Variants in ZNF425 observed in about 807,000 individuals in gnomAD.
The protein encoded by ZNF425 is zinc finger protein 425.
Under a neutral mutation model 17.0 loss-of-function variants are expected in ZNF425, and 21 were observed. The observed-to-expected ratio is 1.23, with a 90% confidence interval of 0.88 to 1.78. The LOEUF is 1.78. Among genes scored for constraint, ZNF425 ranks in the 40% most tolerant of loss-of-function variants. The pLI, the probability that ZNF425 is intolerant of heterozygous loss-of-function variation, is 0.00. For missense variants in ZNF425, 868 were observed against 967.3 expected (o/e 0.90, Z 1.36); for synonymous variants, 433 against 384.1 (o/e 1.13, Z -1.49).
At chr7:149,118,130 C>T in intron 2 of ZNF425, 92 bp downstream of exon 2, 1 of 1,423,738 alleles carries the variant, frequency 7.0e-7, no homozygotes, top group Non-Finnish European at 9.8e-7. Flanking sequence ...GGCACAGTAT[C>T]ATATTCAACC....
intron 3 of ZNF425, among the ~76,000 whole-genome samples, chr7:149,107,039 G>A (rs191043946): frequency 2.4e-4 from 36 of 151,486 alleles, no homozygotes; most frequent in Admixed American, 1.5e-3. Context: ...CCCAGGAGAC[G>A]GAGGTTGTAG....
intron 3 of ZNF425, among the ~76,000 whole-genome samples, chr7:149,109,778 C>A (rs1057291104): frequency 1.3e-5 from 2 of 152,072 alleles, no homozygotes; most frequent in Non-Finnish European, 1.5e-5. Context: ...CTAACGTACT[C>A]CTGTGACTGT....
At chr7:149,125,841 G>A (rs1445014239) in intron 1 of ZNF425, 7 of 420,216 alleles carry the variant, frequency 1.7e-5, no homozygotes, top group East Asian at 5.6e-5. Context: ...CCCCGCTCCC[G>A]AGAGGTCACC....
chr7:149,104,047 C>G lies in ZNF425; in HGVS notation c.1824G>C (p.Lys608Asn). 6.2e-7 allele frequency: 1 copy of G among 1,613,726 alleles called. No individual in the cohort carries two copies. The highest frequency in any genetic ancestry group is 8.5e-7 in the Non-Finnish European group (1 of 1,179,980). ...TEHLRLHSGE[K>N]PYQCPECEKT... ...TCTCGCATTCAGGACACTGGTAGGG[C>G]TTCTCTCCACTGTGCAGCCTCAGGT... The change falls in exon 4 of 4, where the codon AAG becomes AAC. Residue 608 changes from lysine to asparagine, a missense_variant. Physicochemically the swap from Lys to Asn is moderately conservative, Grantham distance 94. Transcript: ENST00000378061. The surrounding 1 kb of genome is among the most constrained non-coding windows in gnomAD (Gnocchi z 4.3).
At chr7:149,117,526 A>G (rs1826285255) in intron 2 of ZNF425, among the ~76,000 whole-genome samples, 1 of 151,828 alleles carries the variant, frequency 6.6e-6, no homozygotes, top group South Asian at 2.1e-4. Context: ...TTCCTTGAAG[A>G]TGAGAAATTC....
At chr7:149,121,473 C>G (rs1335912656) in intron 1 of ZNF425, among the ~76,000 whole-genome samples, 4 of 150,284 alleles carry the variant, frequency 2.7e-5, no homozygotes, top group African/African-American at 9.8e-5. Flanking sequence ...CTTACCACAA[C>G]CTCCGCCTCC....
chr7:149,119,817 T>C (rs1336110409), intron 1 of ZNF425, among the ~76,000 whole-genome samples: 1 of 152,300 alleles, frequency 6.6e-6, no homozygotes, highest in Admixed American at 6.5e-5. Context: ...CTACAAATTT[T>C]TTAAAATCCA....
Position 149,104,634 on chromosome 7 carries a change from G to T in ZNF425, c.1237C>A (p.Pro413Thr). ...EHIRVHTGEK[P>T]FSCPECNKSF... ...TTGTTACACTCGGGACACGAAAAGG[G>T]CTTCTCTCCCGTGTGAACTCTGATG... Residue 413 changes from proline to threonine, a missense_variant, in exon 4 of 4, where the codon CCC becomes ACC. Physicochemically the swap from Pro to Thr is conservative, Grantham distance 38. Transcript: ENST00000378061. The surrounding 1 kb of genome is among the most constrained non-coding windows in gnomAD (Gnocchi z 4.3). 6.2e-7 allele frequency: 1 copy of T among 1,614,172 alleles called. No homozygotes were observed. The highest frequency in any genetic ancestry group is 1.1e-5 in the South Asian group (1 of 91,092).
intron 1 of ZNF425, 26 bp from the exon 2 acceptor site, chr7:149,118,374 A>C (rs771163548): frequency 6.2e-7 from 1 of 1,611,584 alleles, no homozygotes; most frequent in Admixed American, 1.7e-5. Context: ...GTATACACAT[A>C]CATTTTTACT....
At chr7:149,117,570 A>G (rs1195409259) in intron 2 of ZNF425, among the ~76,000 whole-genome samples, 2 of 150,628 alleles carry the variant, frequency 1.3e-5, no homozygotes, top group Admixed American at 6.7e-5. Flanking sequence ...ATAAGGAGGC[A>G]TGAAAGTATT....
chr7:149,107,148 C>T (rs1313743310), intron 3 of ZNF425, among the ~76,000 whole-genome samples: 1 of 150,704 alleles, frequency 6.6e-6, no homozygotes, highest in African/African-American at 2.4e-5. Context: ...AGCTTAGGGC[C>T]ATATTCTTGT....
Position 149,105,103 on chromosome 7 carries a change from G to T in ZNF425, c.768C>A (p.Phe256Leu), listed in dbSNP as rs754955154. The change falls in exon 4 of 4, where the codon TTC becomes TTA. Residue 256 changes from phenylalanine to leucine, a missense_variant. Around this residue, in one of 5 missense-constraint regions of ZNF425, gnomAD observed 243 missense variants for 265.2 expected, o/e 0.92. Transcript: ENST00000378061. Reference sequence around the variant, plus strand: ...GATGAGTGACGAGGCTGCCCTTCAGGAAGTAGCTCTTCTCACACTCACTGC... The same window carrying T: ...GATGAGTGACGAGGCTGCCCTTCAGTAAGTAGCTCTTCTCACACTCACTGC... ...FQCSECEKSY[F>L]LKGSLVTHQV... The T allele has an allele frequency of 1.2e-6, 2 of 1,614,230 alleles. No homozygotes were observed. Among genetic ancestry groups the T allele is most frequent in the Non-Finnish European group, 1.7e-6 (2 of 1,180,052 alleles).
intron 2 of ZNF425, among the ~76,000 whole-genome samples, chr7:149,116,160 C>A (rs923492328): frequency 2.0e-5 from 3 of 152,150 alleles, no homozygotes; most frequent in Non-Finnish European, 4.4e-5. Flanking sequence ...GTTCTGTCTA[C>A]ACAATTCTCC....
At position 149,104,789 on chromosome 7, in the gene ZNF425, G is replaced by C; in HGVS notation, c.1082C>G (p.Pro361Arg). 6.2e-7 allele frequency: 1 copy of C among 1,613,642 alleles called. No individual in the cohort carries two copies. Among genetic ancestry groups the C allele is most frequent in the Non-Finnish European group, 8.5e-7 (1 of 1,179,988 alleles). The stretch of plus-strand genomic sequence containing the variant: ...CCGGGAGAAGCTCCGGCCACACTCG[G>C]GACAGTGGAAGGGCCTCTTCCCGCT... ...QHSGKRPFHCPECGRSFSRKA... is the reference protein window; with the variant it reads ...QHSGKRPFHCRECGRSFSRKA... The change falls in exon 4 of 4, where the codon CCC becomes CGC. Residue 361 changes from proline (P) to arginine (R), a missense_variant. Pro to Arg is a moderately radical substitution (Grantham distance 103). Coordinates refer to ENST00000378061, the MANE Select transcript of ZNF425 (RefSeq NM_001001661.3). This position sits in a 1 kb window ranked among gnomAD's most constrained non-coding sequence, Gnocchi z 4.3.
rs146873821 is a variant in ZNF425 at position 149,104,879 on chromosome 7, T to C, written c.992A>G (p.Gln331Arg). Residue 331 changes from glutamine (Q) to arginine (R), a missense_variant, in exon 4 of 4, where the codon CAG becomes CGG. By Grantham distance (43) the Gln-to-Arg change is conservative. Transcript: ENST00000378061. The surrounding 1 kb of genome is among the most constrained non-coding windows in gnomAD (Gnocchi z 4.3). ...GAAGCACCGGTCACACTGCGGACAC[T>C]GGAAGGGCTTCTCTCCGCTGTGCAG... ...LRLHSGEKPF[Q>R]CPQCDRCFRL... is the part of the protein sequence containing the mutation. The C allele has an allele frequency of 2.2e-4, 361 of 1,613,398 alleles. 2 individuals are homozygous for C. In the African/African-American group the frequency reaches 4.5e-3, roughly 20 times the overall value.
chr7:149,107,348 T>TATTTA (rs1237876400), intron 3 of ZNF425, among the ~76,000 whole-genome samples: 5,813 of 134,504 alleles, frequency 0.043, 152 homozygotes, highest in African/African-American at 0.078. Flanking sequence ...TTTATTTATT[T>TATTTA]TTTTTCTGAG....
Position 149,104,262 on chromosome 7 carries a change from G to T in ZNF425, c.1609C>A (p.Arg537=), listed in dbSNP as rs1162288223. The change falls in exon 4 of 4, where the codon CGA becomes AGA. Residue 537 remains arginine (R), a synonymous_variant. Coordinates refer to ENST00000378061, the MANE Select transcript of ZNF425 (RefSeq NM_001001661.3). The surrounding 1 kb of genome is among the most constrained non-coding windows in gnomAD (Gnocchi z 4.3). The part of the protein sequence containing the change: ...SCAECGRSFR[R]RAHLTEHTRL... Reference sequence around the variant, plus strand: ...GTGTGCTCTGTGAGATGCGCGCGTCGGCGGAAACTGCGGCCGCACTCGGCG... The same window carrying T: ...GTGTGCTCTGTGAGATGCGCGCGTCTGCGGAAACTGCGGCCGCACTCGGCG... 1 of 1,613,618 alleles carries T rather than the reference G, an allele frequency of 6.2e-7. No homozygotes were observed. The highest frequency in any genetic ancestry group is 1.7e-5 in the Admixed American group (1 of 60,008).
chr7:149,106,313 G>C (rs749949217), intron 3 of ZNF425, among the ~76,000 whole-genome samples: 16 of 150,514 alleles, frequency 1.1e-4, no homozygotes, highest in Non-Finnish European at 1.6e-4. Context: ...GCGTGATCTC[G>C]GCTCACTGCA....
rs915571887 is a variant in ZNF425, at chr7:149,126,295, T to A, written c.-82A>T. ...ACCCAACTCCCAGGTACAGCCCTGC[T>A]GGCCCCCAAAGGCAGAGCCGGCCGG... is the stretch of plus-strand genomic sequence containing the variant. On this transcript the variant is annotated 5_prime_UTR_variant, in exon 1 of 4. Coordinates refer to ENST00000378061, the MANE Select transcript of ZNF425 (RefSeq NM_001001661.3). 11 of 1,545,164 alleles carry A rather than the reference T, an allele frequency of 7.1e-6. No homozygotes were observed. Among genetic ancestry groups the A allele is most frequent in the African/African-American group, 4.2e-5 (3 of 72,212 alleles).
Sources: gnomAD v4.1 joint callset for allele counts (sites outside exome capture counted in the v4.1 genomes callset) on GRCh38, gnomAD v4.1.1 for gene constraint, gnomAD v4.1.1 regional missense constraint, Gnocchi (gnomAD v3.1) non-coding constraint, MANE v1.5 for transcripts, NCBI Gene and HGNC (gene_info 2026-07-23, HGNC 2026-07-21) for gene names.